Variants in EFNA5 observed in about 807,000 individuals in gnomAD.
The protein encoded by EFNA5 is ephrin A5.
EFNA5 carries 5 observed loss-of-function variants against 22.9 expected under a neutral mutation model. The ratio of observed to expected loss-of-function variants is 0.22; its 90% CI spans 0.11 to 0.46. EFNA5 has a LOEUF of 0.46. EFNA5 is among the 20% of genes least tolerant of loss of function. The pLI is 0.99. For synonymous variants in EFNA5, 113 were observed against 112.2 expected (o/e 1.01, Z -0.04); for missense variants, 237 against 293.3 (o/e 0.81, Z 1.40).
At chr5:107,410,090 G>A (rs920038078) in intron 2 of EFNA5, among the ~76,000 whole-genome samples, 12 of 145,514 alleles carry the variant, frequency 8.2e-5, no homozygotes, top group Admixed American at 4.2e-4. Flanking sequence ...GTGCAGCGGC[G>A]CGATCTCGGT....
rs1554061606 is a variant in EFNA5 at position 107,476,046 on chromosome 5, C to CCA, written c.126-48538_126-48537insTG. On this transcript the variant is annotated intron_variant, in intron 1 of 4. Coordinates refer to ENST00000333274, the MANE Select transcript of EFNA5 (RefSeq NM_001962.3). ...CCAAGGTGGCTTGAGAGTTTTTAAACTATATATATATTTTTTTTTTTTGAG... is the reference window on the plus strand; with the variant it reads ...CCAAGGTGGCTTGAGAGTTTTTAAACCATATATATATATTTTTTTTTTTTGAG... Among the ~76,000 whole-genome samples, 131 of 31,278 alleles carry CCA rather than the reference C, an allele frequency of 4.2e-3. 5 individuals are homozygous for CCA. The African/African-American group carries it at 0.043, about 10-fold the overall frequency. The allele number at this position is 31,278 out of a possible 152,430, so 20.5% of individuals were successfully genotyped here. A position where few individuals can be genotyped will look rare whatever the true frequency, so the allele number is the denominator to read the frequency against.
intron 2 of EFNA5, among the ~76,000 whole-genome samples, chr5:107,421,431 C>T (rs73777846): frequency 0.019 from 2,840 of 152,186 alleles, 79 homozygotes; most frequent in African/African-American, 0.061. Flanking sequence ...AGTGTGCAAT[C>T]GTAATTCAGT....
At chr5:107,556,717 G>A (rs1175451677) in intron 1 of EFNA5, among the ~76,000 whole-genome samples, 1 of 151,764 alleles carries the variant, frequency 6.6e-6, no homozygotes, top group Admixed American at 6.6e-5. Context: ...TTGCACTCCA[G>A]CCTGGGTGAC....
chr5:107,495,465 G>A (rs927636473), intron 1 of EFNA5, among the ~76,000 whole-genome samples: 9 of 152,206 alleles, frequency 5.9e-5, no homozygotes, highest in Admixed American at 2.6e-4. Context: ...GCGAGGGTCC[G>A]CGGCCTCATT....
chr5:107,397,724 T>A (rs1207813088), intron 2 of EFNA5, among the ~76,000 whole-genome samples: 2 of 152,180 alleles, frequency 1.3e-5, no homozygotes, highest in African/African-American at 4.8e-5. Flanking sequence ...CCAAATGGAA[T>A]CCTAGAGGCC....
intron 1 of EFNA5, among the ~76,000 whole-genome samples, chr5:107,601,143 T>G (rs1051032816): frequency 4.6e-5 from 7 of 152,200 alleles, no homozygotes; most frequent in Non-Finnish European, 1.0e-4. Flanking sequence ...TTAGATTGTT[T>G]CATAGGAAAA....
intron 1 of EFNA5, among the ~76,000 whole-genome samples, chr5:107,508,476 G>A (rs1339216420): frequency 6.6e-6 from 1 of 152,126 alleles, no homozygotes; most frequent in Non-Finnish European, 1.5e-5. Flanking sequence ...TTTAATTCCT[G>A]TATATGTCTT....
At position 107,433,044 on chromosome 5, in the gene EFNA5, T is replaced by C. The variant is rs1416590549; in HGVS notation, c.126-5535A>G. ...AAGAATATAGTATATATGTTTAACA[T>C]AGAAAATATGCATTGACTGTTTATG... On this transcript the variant is annotated intron_variant, in intron 1 of 4. Coordinates refer to ENST00000333274, the MANE Select transcript of EFNA5 (RefSeq NM_001962.3). Among the ~76,000 whole-genome samples, 4 of 152,224 alleles carry C rather than the reference T, an allele frequency of 2.6e-5. No individual in the cohort carries two copies. The East Asian group carries it at 5.8e-4, about 22-fold the overall frequency.
chr5:107,562,425 T>C (rs1472293806), intron 1 of EFNA5, among the ~76,000 whole-genome samples: 1 of 152,104 alleles, frequency 6.6e-6, no homozygotes, highest in Non-Finnish European at 1.5e-5. Flanking sequence ...TAAATCAGCA[T>C]TCTAGGTCAC....
chr5:107,616,699 A>G (rs1189267013), intron 1 of EFNA5, among the ~76,000 whole-genome samples: 1 of 152,172 alleles, frequency 6.6e-6, no homozygotes, highest in Non-Finnish European at 1.5e-5. Flanking sequence ...GTCAATTATA[A>G]CAAGTATCTG....
intron 1 of EFNA5, among the ~76,000 whole-genome samples, chr5:107,439,398 G>A (rs187704861): frequency 6.6e-6 from 1 of 152,324 alleles, no homozygotes; most frequent in African/African-American, 2.4e-5. Flanking sequence ...GGAAGTCTGA[G>A]CAGACTAATA....
intron 1 of EFNA5, among the ~76,000 whole-genome samples, chr5:107,491,067 T>C (rs1313319757): frequency 1.3e-5 from 2 of 152,218 alleles, no homozygotes; most frequent in Admixed American, 6.5e-5. Context: ...TATGAAGTGA[T>C]TTATGAATTA....
At chr5:107,535,042 T>C (rs956758675) in intron 1 of EFNA5, among the ~76,000 whole-genome samples, 2 of 152,284 alleles carry the variant, frequency 1.3e-5, no homozygotes, top group East Asian at 3.9e-4. Flanking sequence ...GCCTTTTTGA[T>C]GAAAAGTGGA....
intron 1 of EFNA5, among the ~76,000 whole-genome samples, chr5:107,465,814 A>G (rs1027371825): frequency 2.0e-5 from 3 of 151,982 alleles, no homozygotes; most frequent in African/African-American, 7.2e-5. Context: ...ACAAAGATAC[A>G]CACACAATCC....
intron 1 of EFNA5, among the ~76,000 whole-genome samples, chr5:107,594,442 G>C (rs1749435105): frequency 6.6e-6 from 1 of 152,172 alleles, no homozygotes; most frequent in Admixed American, 6.5e-5. Context: ...AACTGAGCCA[G>C]GTCACTGCAG....
At chr5:107,536,914 G>A (rs961794251) in intron 1 of EFNA5, among the ~76,000 whole-genome samples, 4 of 152,036 alleles carry the variant, frequency 2.6e-5, no homozygotes, top group Admixed American at 6.5e-5. Context: ...AGACCATCCT[G>A]ACTAATATGG....
chr5:107,569,808 C>T (rs1318058374), intron 1 of EFNA5, among the ~76,000 whole-genome samples: 1 of 140,858 alleles, frequency 7.1e-6, no homozygotes, highest in African/African-American at 2.7e-5. Context: ...GCCAAGATTG[C>T]ACCATGCCAC....
chr5:107,407,066 G>A (rs981913597), intron 2 of EFNA5, among the ~76,000 whole-genome samples: 9 of 152,170 alleles, frequency 5.9e-5, no homozygotes, highest in African/African-American at 2.2e-4. Flanking sequence ...CTTCACATTT[G>A]TGCAAAGCAA....
intron 1 of EFNA5, among the ~76,000 whole-genome samples, chr5:107,503,064 A>C (rs1006469462): frequency 2.0e-5 from 3 of 152,168 alleles, no homozygotes; most frequent in African/African-American, 7.2e-5. Context: ...CTAAAATGGA[A>C]GAGCTCAAAA....
Sources: gnomAD v4.1 joint callset for allele counts (sites outside exome capture counted in the v4.1 genomes callset) on GRCh38, gnomAD v4.1.1 for gene constraint, MANE v1.5 for transcripts, NCBI Gene and HGNC (gene_info 2026-07-23, HGNC 2026-07-21) for gene names.